STK32C: variants seen among roughly 807,000 people sequenced by gnomAD.
STK32C encodes serine/threonine-protein kinase 32C.
Under a neutral mutation model 56.5 loss-of-function variants are expected in STK32C, and 31 were observed. The observed-to-expected ratio is 0.55, with a 90% CI of 0.41 to 0.74. The LOEUF is 0.74. Among genes scored for constraint, STK32C ranks in the 30% least tolerant of loss-of-function variants. The pLI is 0.00. For missense variants in STK32C, 544 were observed against 676.9 expected (o/e 0.80, Z 2.18); for synonymous variants, 309 against 289.4 (o/e 1.07, Z -0.69).
chr10:132,317,848 T>G (rs1457860083), intron 1 of STK32C, among the ~76,000 whole-genome samples: 1 of 151,034 alleles, frequency 6.6e-6, no homozygotes, highest in Non-Finnish European at 1.5e-5. Flanking sequence ...CATGGTGGTG[T>G]GTGCCTGTAA....
chr10:132,268,855 G>GTC, intron 1 of STK32C, among the ~76,000 whole-genome samples: 1 of 151,176 alleles, frequency 6.6e-6, no homozygotes, highest in East Asian at 2.0e-4. Flanking sequence ...CTCTATGCCT[G>GTC]TGTGCATGCA....
chr10:132,219,716 G>A (rs979380221), intron 10 of STK32C, among the ~76,000 whole-genome samples: 1 of 152,140 alleles, frequency 6.6e-6, no homozygotes, highest in African/African-American at 2.4e-5. Context: ...TGGAGGAGGG[G>A]CGAGGATGGG....
At position 132,268,956 on chromosome 10, in the gene STK32C, C is replaced by CGTGT. The variant is rs149137293; in HGVS notation, c.263-23005_263-23002dup. Among the ~76,000 whole-genome samples, 11 of 126,696 alleles carry CGTGT rather than the reference C, an allele frequency of 8.7e-5. No individual in the cohort carries two copies. The East Asian group carries it at 1.3e-3, about 15-fold the overall frequency. The allele number at this position is 126,696 out of a possible 152,430, so 83.1% of individuals were successfully genotyped here. A position where few individuals can be genotyped will look rare whatever the true frequency, so the allele number is the denominator to read the frequency against. On this transcript the variant is annotated intron_variant, in intron 1 of 11. Coordinates refer to ENST00000298630, the MANE Select transcript of STK32C (RefSeq NM_173575.4). ...GCCTGTGTGCATGCATGTCTCACATCGTGTGTGTGTGTGTGTCGGTGTGTG... is the reference window on the plus strand; with the variant it reads ...GCCTGTGTGCATGCATGTCTCACATCGTGTGTGTGTGTGTGTGTGTCGGTGTGTG...
At chr10:132,319,885 T>C (rs527243559), downstream of STK32C, among the ~76,000 whole-genome samples, 1 of 152,198 alleles carries the variant, frequency 6.6e-6, no homozygotes, top group African/African-American at 2.4e-5. Context: ...TATTGCACCT[T>C]AGATGGATTT....
intron 1 of STK32C, among the ~76,000 whole-genome samples, chr10:132,327,687 G>T (rs1172562298): frequency 6.6e-6 from 1 of 152,100 alleles, no homozygotes; most frequent in African/African-American, 2.4e-5. Context: ...ATGTTGGTCA[G>T]GCTGGTCTCA....
At chr10:132,249,136 G>A (rs939203009) in intron 1 of STK32C, 3 of 445,532 alleles carry the variant, frequency 6.7e-6, no homozygotes, top group African/African-American at 4.1e-5. Context: ...TGTGGCGTCA[G>A]GGCGTGCAGG....
At chr10:132,323,018 G>A (rs1242713741), downstream of STK32C, among the ~76,000 whole-genome samples, 2 of 152,156 alleles carry the variant, frequency 1.3e-5, no homozygotes, top group African/African-American at 4.8e-5. The surrounding 1 kb of genome is among the most constrained non-coding windows in gnomAD (Gnocchi z 4.8). Context: ...AAAGCCCAGG[G>A]AAGGAGGATG....
intron 1 of STK32C, among the ~76,000 whole-genome samples, chr10:132,313,786 A>G (rs1400478382): frequency 6.6e-6 from 1 of 151,214 alleles, no homozygotes; most frequent in Non-Finnish European, 1.5e-5. Context: ...AGGGAGTGGC[A>G]AGAGACGAAG....
At chr10:132,317,901 C>G (rs1207106807) in intron 1 of STK32C, among the ~76,000 whole-genome samples, 1 of 150,112 alleles carries the variant, frequency 6.7e-6, no homozygotes, top group Non-Finnish European at 1.5e-5. Flanking sequence ...TCGCTTGAAC[C>G]CAGGAGGCAA....
At chr10:132,226,768 T>C in intron 4 of STK32C, 27 bp downstream of exon 4, 1 of 1,606,266 alleles carries the variant, frequency 6.2e-7, no homozygotes, top group Non-Finnish European at 8.5e-7. Context: ...CCTCAGCAGG[T>C]ACCTGCGCCG....
chr10:132,214,431 G>C (rs2062405914), intron 10 of STK32C, among the ~76,000 whole-genome samples: 1 of 152,146 alleles, frequency 6.6e-6, no homozygotes, highest in Non-Finnish European at 1.5e-5. Flanking sequence ...ATTATTTAAA[G>C]GTGAAAGTAA....
intron 2 of STK32C, among the ~76,000 whole-genome samples, chr10:132,242,791 G>A (rs1331412891): frequency 6.6e-6 from 1 of 152,200 alleles, no homozygotes; most frequent in Admixed American, 6.5e-5. Context: ...TCCTGCCCCT[G>A]TGCCTACTGT....
At chr10:132,257,114 G>T (rs942247320) in intron 1 of STK32C, among the ~76,000 whole-genome samples, 1 of 152,156 alleles carries the variant, frequency 6.6e-6, no homozygotes, top group African/African-American at 2.4e-5. Flanking sequence ...GCTCGCTGTG[G>T]GACCAGCTGG....
In STK32C at chr10:132,225,346, A is replaced by G; in HGVS notation, c.773-10T>C. On this transcript the variant is annotated splice_polypyrimidine_tract_variant and intron_variant, in intron 6 of 11. Transcript: ENST00000298630. ...TGGAAGATCTCCGGAGCTTTCCGAC[A>G]GAAAGAAGGAAAAACAGCTGCCACG... 1 of 1,604,084 alleles carries G rather than the reference A, an allele frequency of 6.2e-7. No individual in the cohort carries two copies. The highest frequency in any genetic ancestry group is 8.5e-7 in the Non-Finnish European group (1 of 1,175,768).
chr10:132,285,724 C>T (rs2065379316), intron 1 of STK32C, among the ~76,000 whole-genome samples: 1 of 152,218 alleles, frequency 6.6e-6, no homozygotes, highest in African/African-American at 2.4e-5. Flanking sequence ...GACTAACCAA[C>T]AGACATAGCG....
chr10:132,265,271 G>A (rs891908698), intron 1 of STK32C, among the ~76,000 whole-genome samples: 7 of 151,748 alleles, frequency 4.6e-5, no homozygotes, highest in African/African-American at 1.7e-4. Context: ...GGCGAGGTGG[G>A]CTCTGCAGCC....
chr10:132,227,473 G>A (rs1044645877), intron 3 of STK32C, among the ~76,000 whole-genome samples: 2 of 152,072 alleles, frequency 1.3e-5, no homozygotes, highest in Non-Finnish European at 2.9e-5. Flanking sequence ...AGGACTGAGG[G>A]TGGTGGTGAT....
chr10:132,240,079 C>CA (rs1046231962), intron 2 of STK32C, among the ~76,000 whole-genome samples: 5 of 151,988 alleles, frequency 3.3e-5, no homozygotes, highest in African/African-American at 1.2e-4. Flanking sequence ...AGGCCCCCCC[C>CA]AAAGAAGACC....
At chr10:132,290,678 G>A (rs2065536838) in intron 1 of STK32C, among the ~76,000 whole-genome samples, 1 of 152,218 alleles carries the variant, frequency 6.6e-6, no homozygotes, top group South Asian at 2.1e-4. Context: ...TGTGTCCTGA[G>A]GCATCCCCCT....
Sources: gnomAD v4.1 joint callset for allele counts (sites outside exome capture counted in the v4.1 genomes callset) on GRCh38, gnomAD v4.1.1 for gene constraint, Gnocchi (gnomAD v3.1) non-coding constraint, MANE v1.5 for transcripts, NCBI Gene and HGNC (gene_info 2026-07-23, HGNC 2026-07-21) for gene names.